CAMTA1: variants seen among roughly 807,000 people sequenced by gnomAD.
The protein encoded by CAMTA1 is calmodulin binding transcription activator 1, also known as calmodulin-binding transcription activator 1.
Under a neutral mutation model 170.9 loss-of-function variants are expected in CAMTA1, and 27 were observed. That is an observed-to-expected ratio of 0.16 (90% CI 0.12 to 0.22). CAMTA1 has a LOEUF of 0.22. CAMTA1 is among the 10% of genes least tolerant of loss of function. The pLI, the probability that CAMTA1 is intolerant of heterozygous loss-of-function variation, is 1.00. For synonymous variants in CAMTA1, 833 were observed against 891.5 expected, an observed-to-expected ratio of 0.93 and a Z score of 1.17; for missense variants, 1,619 against 2,217.2, an observed-to-expected ratio of 0.73 and a Z score of 5.42.
chr1:7,103,013 T>C (rs572112320), intron 4 of CAMTA1, among the ~76,000 whole-genome samples: 2 of 152,046 alleles, frequency 1.3e-5, no homozygotes, highest in East Asian at 1.9e-4. Flanking sequence ...TTATAAGAAT[T>C]GCAACTTTGG....
chr1:6,822,478 G>A (rs1281571606), intron 2 of CAMTA1, among the ~76,000 whole-genome samples: 1 of 152,044 alleles, frequency 6.6e-6, no homozygotes, highest in Non-Finnish European at 1.5e-5. Flanking sequence ...AATGTAGTAG[G>A]AAAATTTACC....
chr1:7,067,552 T>C lies in CAMTA1; in HGVS notation c.235-23752T>C, dbSNP rs74805373. Among the ~76,000 whole-genome samples the C allele has an allele frequency of 0.02, 3,089 of 152,302 alleles. 95 individuals are homozygous for C. Among genetic ancestry groups the C allele is most frequent in the African/African-American group, 0.07 (2,901 of 41,544 alleles). The stretch of plus-strand genomic sequence containing the variant: ...AAATATTTGAGTATCTGCTGCATGC[T>C]GGGAACCATGTTCCTTGCAAGGCAT... On this transcript the variant is annotated intron_variant, in intron 3 of 22. Coordinates refer to ENST00000303635, the MANE Select transcript of CAMTA1 (RefSeq NM_015215.4). This position sits in a 1 kb window ranked among gnomAD's most constrained non-coding sequence, Gnocchi z 4.3.
chr1:6,886,346 T>A, intron 3 of CAMTA1: 1 of 441,762 alleles, frequency 2.3e-6, no homozygotes, highest in African/African-American at 2.0e-5. Flanking sequence ...TTAAAAAAAA[T>A]GTAATTGACA....
At chr1:7,278,142 C>T (rs1671011236) in intron 5 of CAMTA1, among the ~76,000 whole-genome samples, 1 of 152,218 alleles carries the variant, frequency 6.6e-6, no homozygotes, top group Admixed American at 6.5e-5. Flanking sequence ...CTACATCATC[C>T]TTCAGAAAGG....
In CAMTA1 at chr1:7,755,125, A is replaced by G. The variant is rs186329934; in HGVS notation, c.4959-513A>G. On this transcript the variant is annotated intron_variant, in intron 21 of 22. Coordinates refer to ENST00000303635, the MANE Select transcript of CAMTA1 (RefSeq NM_015215.4). Reference sequence around the variant, plus strand: ...CAGATCACTTGAGGTCAGGAGTTTGAGACCAGCCTGGCCGACATGGTGAAA... The same window carrying G: ...CAGATCACTTGAGGTCAGGAGTTTGGGACCAGCCTGGCCGACATGGTGAAA... Among the ~76,000 whole-genome samples, 865 of 152,196 alleles carry G rather than the reference A, an allele frequency of 5.7e-3. 7 individuals carry two copies. Among genetic ancestry groups the G allele is most frequent in the Middle Eastern group, 0.01 (3 of 294 alleles).
intron 3 of CAMTA1, among the ~76,000 whole-genome samples, chr1:6,975,761 A>T (rs1365481212): frequency 6.6e-6 from 1 of 152,098 alleles, no homozygotes; most frequent in Admixed American, 6.5e-5. Flanking sequence ...AAAACATTTT[A>T]ATCGCCCCAA....
intron 5 of CAMTA1, among the ~76,000 whole-genome samples, chr1:7,334,594 C>T (rs557377448): frequency 6.6e-6 from 1 of 152,318 alleles, no homozygotes; most frequent in East Asian, 1.9e-4. Context: ...CCAGTGTTTT[C>T]ATCTCCCCCG....
rs2094956809 is a variant in CAMTA1, at chr1:7,561,509, CAAGCAGAGG to C, written c.511-78890_511-78882del. Reference sequence around the variant, plus strand: ...CACTCCTCATCCTCTAGGATGAGCCCAAGCAGAGGTGAGAGAAAGCCTCTTGCCTGTAAA... The same window carrying C: ...CACTCCTCATCCTCTAGGATGAGCCCTGAGAGAAAGCCTCTTGCCTGTAAA... On this transcript the variant is annotated intron_variant, in intron 6 of 22. Coordinates refer to ENST00000303635, the MANE Select transcript of CAMTA1 (RefSeq NM_015215.4). The surrounding 1 kb of genome is among the most constrained non-coding windows in gnomAD (Gnocchi z 5.3). Among the ~76,000 whole-genome samples, 1 of 151,800 alleles carries C rather than the reference CAAGCAGAGG, an allele frequency of 6.6e-6. No homozygotes were observed. The highest frequency in any genetic ancestry group is 2.1e-4 in the South Asian group (1 of 4,820).
intron 10 of CAMTA1, among the ~76,000 whole-genome samples, chr1:7,672,859 C>A (rs2096072684): frequency 6.6e-6 from 1 of 152,104 alleles, no homozygotes; most frequent in Non-Finnish European, 1.5e-5. Context: ...AAGGTGCCCA[C>A]CCCACCCCCT....
intron 4 of CAMTA1, among the ~76,000 whole-genome samples, chr1:7,107,141 G>T (rs1239538796): frequency 6.6e-6 from 1 of 152,074 alleles, no homozygotes; most frequent in East Asian, 1.9e-4. Flanking sequence ...GCACTGTGGG[G>T]TTACAAAGGC....
chr1:6,812,500 G>T (rs1196555861), intron 1 of CAMTA1, among the ~76,000 whole-genome samples: 3 of 152,148 alleles, frequency 2.0e-5, no homozygotes, highest in Non-Finnish European at 4.4e-5. Flanking sequence ...ATTATCATTA[G>T]TATGGGTAAC....
At chr1:7,053,847 T>G (rs56352223) in intron 3 of CAMTA1, among the ~76,000 whole-genome samples, 7,591 of 152,242 alleles carry the variant, frequency 0.05, 412 homozygotes, top group African/African-American at 0.13. Flanking sequence ...TGTGAATGAA[T>G]GAGTGAATGA....
At chr1:7,151,191 C>G (rs1050547099) in intron 4 of CAMTA1, among the ~76,000 whole-genome samples, 1 of 152,192 alleles carries the variant, frequency 6.6e-6, no homozygotes, top group Non-Finnish European at 1.5e-5. Context: ...CGCTGGCGTT[C>G]GCGCCTGGCT....
intron 3 of CAMTA1, among the ~76,000 whole-genome samples, chr1:6,978,034 T>C (rs757196830): frequency 1.3e-5 from 2 of 151,668 alleles, no homozygotes; most frequent in Admixed American, 6.6e-5. Context: ...AGGTAGAGGG[T>C]AGAAGGATGG....
chr1:7,594,563 C>A (rs988773280), intron 6 of CAMTA1, among the ~76,000 whole-genome samples: 1 of 152,186 alleles, frequency 6.6e-6, no homozygotes, highest in African/African-American at 2.4e-5. Flanking sequence ...TGGTTGTTTG[C>A]AAAGTCTGGG....
At chr1:6,910,647 T>G (rs1006557136) in intron 3 of CAMTA1, among the ~76,000 whole-genome samples, 1 of 152,242 alleles carries the variant, frequency 6.6e-6, no homozygotes, top group Non-Finnish European at 1.5e-5. Context: ...GGGAAGGTCA[T>G]TGTGTCCTTG....
intron 5 of CAMTA1, among the ~76,000 whole-genome samples, chr1:7,419,048 C>T (rs2091387860): frequency 6.6e-6 from 1 of 152,256 alleles, no homozygotes; most frequent in African/African-American, 2.4e-5. Context: ...TATTCCTAAC[C>T]TCAGAGCTCC....
intron 5 of CAMTA1, among the ~76,000 whole-genome samples, chr1:7,408,176 G>C (rs748072107): frequency 9.2e-5 from 13 of 141,664 alleles, no homozygotes; most frequent in Non-Finnish European, 1.2e-4. Flanking sequence ...GTGGTTGCAA[G>C]TGGCTCAGGG....
intron 5 of CAMTA1, among the ~76,000 whole-genome samples, chr1:7,287,115 G>C (rs1420530934): frequency 1.3e-5 from 2 of 152,198 alleles, no homozygotes. Context: ...GAAAAGCTAA[G>C]TTATTTTTAT....
Sources: allele counts gnomAD v4.1 joint callset (sites outside exome capture counted in the v4.1 genomes callset), GRCh38; gene constraint gnomAD v4.1.1; non-coding constraint Gnocchi (gnomAD v3.1); transcripts MANE v1.5; gene names NCBI Gene and HGNC (gene_info 2026-07-23, HGNC 2026-07-21).